Variants in DERL2 observed in about 807,000 individuals in gnomAD.
DERL2 encodes the protein derlin 2.
In DERL2, 13 loss-of-function variants were observed where a neutral mutation model predicts 32.0. The observed-to-expected ratio is 0.41, with a 90% CI of 0.26 to 0.65. The LOEUF (loss-of-function observed/expected upper bound fraction) is 0.65, where lower values mean the gene tolerates loss of function less well. Among genes scored for constraint, DERL2 ranks in the 30% least tolerant of loss-of-function variants. The pLI, the probability that DERL2 is intolerant of heterozygous loss-of-function variation, is 0.35. For synonymous variants in DERL2, 111 were observed against 104.7 expected (o/e 1.06, Z -0.37); for missense variants, 208 against 296.3 (o/e 0.70, Z 2.19).
At chr17:5,476,684 C>T (rs773160224) in intron 6 of DERL2, among the ~76,000 whole-genome samples, 2 of 152,014 alleles carry the variant, frequency 1.3e-5, no homozygotes, top group East Asian at 1.9e-4. Context: ...GGGAGGCTGA[C>T]GCAGGAGAAT....
chr17:5,473,111 G>A lies in DERL2; in HGVS notation c.*1573C>T, dbSNP rs1905195064. ...GGATGTCCATTATGTTTAAGCCTAT[G>A]TCTATCTTTCTGAGGACAATGTCAC... is the stretch of plus-strand genomic sequence containing the variant. On this transcript the variant is annotated 3_prime_UTR_variant, in exon 7 of 7. Transcript: ENST00000158771. 6.6e-6 allele frequency: 1 copy of A among 152,160 alleles called. No individual in the cohort carries two copies. The highest frequency in any genetic ancestry group is 1.5e-5 in the Non-Finnish European group (1 of 68,016). 9.4% of individuals were successfully genotyped at this position (152,160 alleles called of 1,614,324 possible).
At chr17:5,486,242 A>G (rs1235892493), upstream of DERL2, 2 of 1,128,974 alleles carry the variant, frequency 1.8e-6, no homozygotes, top group East Asian at 3.3e-5. Flanking sequence ...GGGCGGGCCC[A>G]AAGGCCCCCC....
chr17:5,479,075 C>G (rs186005701), intron 6 of DERL2, among the ~76,000 whole-genome samples: 25 of 152,258 alleles, frequency 1.6e-4, no homozygotes, highest in Admixed American at 1.6e-3. Flanking sequence ...CTGCCTTCAC[C>G]TCTCAAAGTG....
intron 6 of DERL2, among the ~76,000 whole-genome samples, chr17:5,476,123 C>T (rs746389231): frequency 2.0e-5 from 3 of 152,096 alleles, no homozygotes; most frequent in Non-Finnish European, 4.4e-5. Context: ...AAAATTACTG[C>T]AGAACATAGG....
At chr17:5,484,400 T>C (rs1483593330) in intron 2 of DERL2, among the ~76,000 whole-genome samples, 1 of 152,234 alleles carries the variant, frequency 6.6e-6, no homozygotes, top group Non-Finnish European at 1.5e-5. Flanking sequence ...GCATGTGCCA[T>C]CACGCCTGGC....
In DERL2 at chr17:5,472,048, A is replaced by C. The variant is rs1289733733; in HGVS notation, c.*2636T>G. The C allele has an allele frequency of 6.6e-6, 1 of 152,290 alleles. No homozygotes were observed. The highest frequency in any genetic ancestry group is 6.5e-5 in the Admixed American group (1 of 15,292). 9.4% of individuals were successfully genotyped at this position (152,290 alleles called of 1,614,324 possible). A position where few individuals can be genotyped will look rare whatever the true frequency, so the allele number is the denominator to read the frequency against. On this transcript the variant is annotated 3_prime_UTR_variant, in exon 7 of 7. Transcript: ENST00000158771. ...GAAAAAACAAGAGGAAGAGAGAAAC[A>C]AATAGAAATCCATACTGGAAAAAAA...
At chr17:5,483,561 T>C (rs1479215124) in intron 2 of DERL2, among the ~76,000 whole-genome samples, 5 of 152,116 alleles carry the variant, frequency 3.3e-5, no homozygotes, top group Admixed American at 2.6e-4. Flanking sequence ...CTCTCAATTG[T>C]AGAGTGCTTA....
chr17:5,486,186 C>T (rs535916698), upstream of DERL2: 5 of 1,083,406 alleles, frequency 4.6e-6, no homozygotes, highest in Non-Finnish European at 5.0e-6. Flanking sequence ...CCTGCCCCAC[C>T]CCCCACCCAC....
At chr17:5,478,282 G>A (rs181593087) in intron 6 of DERL2, among the ~76,000 whole-genome samples, 4 of 152,276 alleles carry the variant, frequency 2.6e-5, no homozygotes, top group African/African-American at 9.6e-5. Context: ...GGCTGAGGTG[G>A]GAGGATCACT....
chr17:5,486,663 C>A (rs763802682), upstream of DERL2: 3 of 153,434 alleles, frequency 2.0e-5, no homozygotes, highest in Admixed American at 1.3e-4. Flanking sequence ...TGCTTCAAAT[C>A]GTCACCCTCA....
chr17:5,478,278 G>A (rs963911398), intron 6 of DERL2, among the ~76,000 whole-genome samples: 1 of 152,196 alleles, frequency 6.6e-6, no homozygotes, highest in African/African-American at 2.4e-5. Flanking sequence ...AGGAGGCTGA[G>A]GTGGGAGGAT....
intron 6 of DERL2, among the ~76,000 whole-genome samples, chr17:5,477,288 T>C (rs938421231): frequency 2.6e-5 from 4 of 152,202 alleles, no homozygotes; most frequent in Non-Finnish European, 5.9e-5. Context: ...ACTCATGAAG[T>C]TGTAGAACAT....
At chr17:5,486,039 T>A (rs1357593674) in intron 1 of DERL2, 30 bp downstream of exon 1, 2 of 1,596,096 alleles carry the variant, frequency 1.3e-6, no homozygotes, top group South Asian at 1.1e-5. Context: ...CCAGCCCAGA[T>A]AATGAGAAGG....
chr17:5,482,858 A>G lies in DERL2; in HGVS notation c.184T>C (p.Leu62=), dbSNP rs1905881213. 1 of 1,516,924 alleles carries G rather than the reference A, an allele frequency of 6.6e-7. No individual in the cohort carries two copies. 94.0% of individuals were successfully genotyped at this position (1,516,924 alleles called of 1,614,324 possible). ...TTGAATCCAACTGGCCCAAAAAATA[A>G]GAAGTTGGTGATTAATCTCCATATC... ...FQIWRLITNF[L]FFGPVGFNFL... Residue 62 remains leucine, a synonymous_variant, in exon 3 of 7, where the codon TTA becomes CTA. Coordinates refer to ENST00000158771, the MANE Select transcript of DERL2 (RefSeq NM_016041.5).
chr17:5,485,961 TC>T, intron 1 of DERL2, 107 bp downstream of exon 1: 2 of 973,956 alleles, frequency 2.1e-6, no homozygotes, highest in Non-Finnish European at 3.0e-6. Context: ...CCTCCACCCA[TC>T]CCCGGGACCA....
chr17:5,475,065 G>A (rs917482701), intron 6 of DERL2, among the ~76,000 whole-genome samples: 1 of 152,090 alleles, frequency 6.6e-6, no homozygotes, highest in Non-Finnish European at 1.5e-5. Context: ...ATTTCCAGAG[G>A]TAACTATTGT....
chr17:5,482,682 T>G, intron 3 of DERL2, 127 bp downstream of exon 3: 1 of 613,428 alleles, frequency 1.6e-6, no homozygotes, highest in South Asian at 1.8e-5. Context: ...AACTACTTTA[T>G]GTACCACTGA....
intron 2 of DERL2, among the ~76,000 whole-genome samples, 162 bp from the exon 3 acceptor site, chr17:5,483,044 T>C (rs1445817945): frequency 6.6e-6 from 1 of 152,196 alleles, no homozygotes; most frequent in African/African-American, 2.4e-5. Flanking sequence ...TATAATCTGA[T>C]GTTAGATTTT....
chr17:5,478,201 A>C (rs1385219946), intron 6 of DERL2, among the ~76,000 whole-genome samples: 2 of 151,218 alleles, frequency 1.3e-5, no homozygotes, highest in African/African-American at 2.4e-5. Context: ...TTGTCTCCAC[A>C]AAAAAAAACA....
Sources: allele counts gnomAD v4.1 joint callset (sites outside exome capture counted in the v4.1 genomes callset), GRCh38; gene constraint gnomAD v4.1.1; transcripts MANE v1.5; gene names NCBI Gene and HGNC (gene_info 2026-07-23, HGNC 2026-07-21).